Variants in PCDH15 observed in about 807,000 individuals in gnomAD.
The protein encoded by PCDH15 is protocadherin related 15.
In PCDH15, 129 loss-of-function variants were observed where a neutral mutation model predicts 178.5. That is an observed-to-expected ratio of 0.72 (90% confidence interval 0.63 to 0.84). The LOEUF is 0.84. Ranked by LOEUF, PCDH15 falls within the 40% of genes least tolerant of loss-of-function variation. The pLI is 0.00. For synonymous variants in PCDH15, 800 were observed against 732.0 expected (o/e 1.09, Z -1.50); for missense variants, 2,230 against 2,099.9 (o/e 1.06, Z -1.21).
chr10:55,339,106 T>C (rs1191976869), intron 2 of PCDH15, among the ~76,000 whole-genome samples: 1 of 152,082 alleles, frequency 6.6e-6, no homozygotes, highest in Non-Finnish European at 1.5e-5. Flanking sequence ...TTAACAAGAA[T>C]CTATTATGTA....
At chr10:55,131,630 G>C (rs78686445) in intron 2 of PCDH15, among the ~76,000 whole-genome samples, 1,908 of 152,212 alleles carry the variant, frequency 0.013, 46 homozygotes, top group African/African-American at 0.044. Flanking sequence ...GCTCTTAAGA[G>C]ACCCAAAGTG....
At chr10:54,719,771 T>C (rs150435401) in intron 1 of PCDH15, among the ~76,000 whole-genome samples, 1 of 152,082 alleles carries the variant, frequency 6.6e-6, no homozygotes, top group Non-Finnish European at 1.5e-5. Context: ...AGTGAGAATA[T>C]CCAGTGTTTG....
intron 3 of PCDH15, among the ~76,000 whole-genome samples, chr10:54,443,676 A>G (rs751552047): frequency 6.6e-6 from 1 of 151,650 alleles, no homozygotes; most frequent in Non-Finnish European, 1.5e-5. Flanking sequence ...TAATATTTGT[A>G]TCAAAATTTG....
At chr10:54,804,927 T>A (rs867433688), upstream of PCDH15, among the ~76,000 whole-genome samples, 4 of 50,844 alleles carry the variant, frequency 7.9e-5, no homozygotes, top group East Asian at 1.9e-3. Flanking sequence ...TCATAGTAGA[T>A]TATATATATA....
Position 53,806,949 on chromosome 10 carries a change from C to T in PCDH15, c.4853G>A (p.Cys1618Tyr). Residue 1618 changes from cysteine (C) to tyrosine (Y), a missense_variant, in exon 38 of 38, where the codon TGC becomes TAC. By Grantham distance (194) the Cys-to-Tyr change is radical. Coordinates refer to ENST00000644397, the MANE Select transcript of PCDH15 (RefSeq NM_001384140.1). ...NGSVVRTRRA[C>Y]LTDNLKVASP... ...AGCAACTTTTAAGTTGTCCGTGAGG[C>T]AGGCACGGCGGGTTCTCACCACAGA... 6.2e-7 allele frequency: 1 copy of T among 1,613,840 alleles called. No individual in the cohort carries two copies. The highest frequency in any genetic ancestry group is 8.5e-7 in the Non-Finnish European group (1 of 1,179,828).
intron 28 of PCDH15, among the ~76,000 whole-genome samples, chr10:53,847,323 A>G (rs1431116631): frequency 1.3e-5 from 2 of 152,024 alleles, no homozygotes; most frequent in South Asian, 2.1e-4. Flanking sequence ...AGAGAGTTCC[A>G]CCCCAAGTGC....
intron 3 of PCDH15, among the ~76,000 whole-genome samples, chr10:54,855,090 C>T (rs1953713293): frequency 6.6e-6 from 1 of 152,228 alleles, no homozygotes; most frequent in Non-Finnish European, 1.5e-5. Context: ...TGTGTACACA[C>T]ACACCCGGGC....
chr10:54,570,708 A>G (rs749796842), intron 2 of PCDH15, among the ~76,000 whole-genome samples: 11 of 151,954 alleles, frequency 7.2e-5, no homozygotes, highest in African/African-American at 1.2e-4. Flanking sequence ...GCTGGAGTGC[A>G]GTGGCGTGAT....
chr10:54,225,394 CAA>C (rs1301395702), intron 9 of PCDH15, among the ~76,000 whole-genome samples: 2 of 152,154 alleles, frequency 1.3e-5, no homozygotes, highest in Non-Finnish European at 2.9e-5. Context: ...TTCAAATCCC[CAA>C]GTTACTTTCA....
At chr10:55,519,006 A>G (rs1396545353) in intron 2 of PCDH15, among the ~76,000 whole-genome samples, 1 of 150,618 alleles carries the variant, frequency 6.6e-6, no homozygotes, top group East Asian at 2.0e-4. Context: ...AGGCAGAAGA[A>G]TCACTTGAAC....
At chr10:54,742,815 G>T (rs139446878) in intron 1 of PCDH15, among the ~76,000 whole-genome samples, 1 of 151,992 alleles carries the variant, frequency 6.6e-6, no homozygotes, top group South Asian at 2.1e-4. Flanking sequence ...AGAAGTCTTC[G>T]TCACAAAGAA....
chr10:54,652,327 T>C (rs1370766553), intron 2 of PCDH15, among the ~76,000 whole-genome samples: 1 of 152,318 alleles, frequency 6.6e-6, no homozygotes, highest in African/African-American at 2.4e-5. Context: ...CTGAGCACTC[T>C]GCATTGCTCA....
At chr10:54,843,472 C>T (rs1220731035) in intron 3 of PCDH15, among the ~76,000 whole-genome samples, 1 of 151,910 alleles carries the variant, frequency 6.6e-6, no homozygotes, top group East Asian at 1.9e-4. Context: ...GTCTGACAGG[C>T]TGACACTTGA....
intron 18 of PCDH15, among the ~76,000 whole-genome samples, chr10:54,056,528 A>T (rs1590156719): frequency 6.6e-6 from 1 of 152,136 alleles, no homozygotes; most frequent in Admixed American, 6.5e-5. Flanking sequence ...TGAGAGACTT[A>T]TTCACTACCA....
At chr10:54,929,999 G>C (rs764543309) in intron 2 of PCDH15, among the ~76,000 whole-genome samples, 1 of 152,106 alleles carries the variant, frequency 6.6e-6, no homozygotes, top group Non-Finnish European at 1.5e-5. Context: ...TTCTAACTAA[G>C]AGCAGCCTGT....
chr10:55,182,238 G>A (rs941494533), intron 1 of PCDH15, among the ~76,000 whole-genome samples: 4 of 151,832 alleles, frequency 2.6e-5, no homozygotes, highest in Non-Finnish European at 5.9e-5. Flanking sequence ...AAACCAAAAG[G>A]ACACCAGTAA....
intron 13 of PCDH15, among the ~76,000 whole-genome samples, chr10:54,175,379 G>A (rs1467322486): frequency 6.6e-6 from 1 of 151,984 alleles, no homozygotes; most frequent in African/African-American, 2.4e-5. Flanking sequence ...TGTTATGTAC[G>A]TGTCCTCCAC....
intron 2 of PCDH15, among the ~76,000 whole-genome samples, chr10:55,126,915 A>C (rs1232914192): frequency 6.6e-6 from 1 of 152,008 alleles, no homozygotes; most frequent in Non-Finnish European, 1.5e-5. Flanking sequence ...GCAAAAAAAA[A>C]AAATGTTTTA....
At chr10:54,551,508 T>G (rs576223066) in intron 2 of PCDH15, among the ~76,000 whole-genome samples, 1 of 152,040 alleles carries the variant, frequency 6.6e-6, no homozygotes, top group African/African-American at 2.4e-5. Context: ...AGAATAATTT[T>G]TGGGCAAAAT....
Sources: gnomAD v4.1 joint callset for allele counts (sites outside exome capture counted in the v4.1 genomes callset) on GRCh38, gnomAD v4.1.1 for gene constraint, MANE v1.5 for transcripts, NCBI Gene and HGNC (gene_info 2026-07-23, HGNC 2026-07-21) for gene names.